MEGF10: variants seen among roughly 807,000 people sequenced by gnomAD.
MEGF10 encodes the protein multiple EGF like domains 10.
MEGF10 carries 86 observed loss-of-function variants against 147.5 expected under a neutral mutation model. That is an observed-to-expected ratio of 0.58 (90% confidence interval 0.49 to 0.70). The LOEUF (loss-of-function observed/expected upper bound fraction) is 0.70, where lower values mean the gene tolerates loss of function less well. Among genes scored for constraint, MEGF10 ranks in the 30% least tolerant of loss-of-function variants. The pLI is 0.00. For missense variants in MEGF10, 1,329 were observed against 1,487.3 expected (o/e 0.89, Z 1.75); for synonymous variants, 478 against 525.5 (o/e 0.91, Z 1.24).
chr5:127,397,762 A>T (rs1282777945), intron 6 of MEGF10, among the ~76,000 whole-genome samples: 2 of 152,168 alleles, frequency 1.3e-5, no homozygotes, highest in East Asian at 3.8e-4. Context: ...GGGCTGTGGG[A>T]AACTTGGAGC....
At chr5:127,250,360 A>C in the MEGF10 span, among the ~76,000 whole-genome samples, 1 of 151,992 alleles carries the variant, frequency 6.6e-6, no homozygotes, top group African/African-American at 2.4e-5. Flanking sequence ...AACACAAGAA[A>C]ATCCATTAAT....
At chr5:127,371,632 T>G (rs1040183912) in intron 5 of MEGF10, among the ~76,000 whole-genome samples, 3 of 152,226 alleles carry the variant, frequency 2.0e-5, no homozygotes, top group Non-Finnish European at 4.4e-5. Flanking sequence ...AATTGCAGAC[T>G]ACCTCGAGCT....
intron 5 of MEGF10, among the ~76,000 whole-genome samples, chr5:127,387,703 G>C (rs748856323): frequency 2.6e-5 from 4 of 152,138 alleles, no homozygotes; most frequent in Non-Finnish European, 5.9e-5. Flanking sequence ...ATTGCCATTT[G>C]AGTTCATTTT....
chr5:127,276,915 C>T, the MEGF10 span, among the ~76,000 whole-genome samples: 1 of 152,044 alleles, frequency 6.6e-6, no homozygotes, highest in Admixed American at 6.6e-5. Flanking sequence ...TAAGAAGGCT[C>T]ATTGAGAAGA....
chr5:127,251,152 A>G, the MEGF10 span, among the ~76,000 whole-genome samples: 2 of 152,138 alleles, frequency 1.3e-5, no homozygotes, highest in African/African-American at 4.8e-5. Context: ...GAAAACTCCT[A>G]GAAGAAAAAA....
intron 5 of MEGF10, among the ~76,000 whole-genome samples, chr5:127,374,552 C>T (rs1431930697): frequency 6.6e-6 from 1 of 152,146 alleles, no homozygotes; most frequent in Non-Finnish European, 1.5e-5. Flanking sequence ...TACAGCAATT[C>T]ATCTTAGAAG....
intron 20 of MEGF10, among the ~76,000 whole-genome samples, 172 bp from the exon 21 acceptor site, chr5:127,447,385 G>T (rs1017060531): frequency 1.3e-5 from 2 of 152,112 alleles, no homozygotes; most frequent in East Asian, 3.9e-4. Context: ...TACTGTGTTA[G>T]CCAGGATGGT....
intron 8 of MEGF10, among the ~76,000 whole-genome samples, chr5:127,404,731 T>G (rs1486533895): frequency 6.6e-6 from 1 of 152,110 alleles, no homozygotes; most frequent in Non-Finnish European, 1.5e-5. Flanking sequence ...CTTTTTTTTT[T>G]TTGAGATGGA....
At chr5:127,273,121 C>A in the MEGF10 span, among the ~76,000 whole-genome samples, 3 of 152,132 alleles carry the variant, frequency 2.0e-5, no homozygotes, top group Admixed American at 6.6e-5. Context: ...TTGTGCATGC[C>A]GGAGCAGCTG....
chr5:127,415,264 A>G (rs1034486308), intron 9 of MEGF10, among the ~76,000 whole-genome samples: 1 of 152,206 alleles, frequency 6.6e-6, no homozygotes, highest in African/African-American at 2.4e-5. Flanking sequence ...CTGTTGTCCT[A>G]GTATAATTAT....
At chr5:127,371,191 C>CTGTGTGTGTGTG (rs10591122) in intron 5 of MEGF10, among the ~76,000 whole-genome samples, 46 of 126,254 alleles carry the variant, frequency 3.6e-4, no homozygotes, top group African/African-American at 5.7e-4. Context: ...GGGACTGGGA[C>CTGTGTGTGTGTG]TGTGTGTGTG....
chr5:127,311,065 G>A (rs549889518), intron 1 of MEGF10, among the ~76,000 whole-genome samples: 1 of 152,232 alleles, frequency 6.6e-6, no homozygotes, highest in South Asian at 2.1e-4. Context: ...TTTTATAAAT[G>A]TTCATTCCCT....
At chr5:127,304,379 C>A (rs1180740337) in intron 1 of MEGF10, among the ~76,000 whole-genome samples, 1 of 152,204 alleles carries the variant, frequency 6.6e-6, no homozygotes, top group Non-Finnish European at 1.5e-5. Context: ...CTTTGTGTTA[C>A]CACATCATAA....
In MEGF10 at chr5:127,459,254, T is replaced by C. The variant is rs1010505498; in HGVS notation, c.*1936T>C. On this transcript the variant is annotated 3_prime_UTR_variant, in exon 25 of 25. Coordinates refer to ENST00000503335, the MANE Select transcript of MEGF10 (RefSeq NM_001256545.2). ...GATGGTGGTTTGGTCAGATGGATAA[T>C]ACAGCAGACACACTTAGAACACTCA... 4 of 152,196 alleles carry C rather than the reference T, an allele frequency of 2.6e-5. No homozygotes were observed. The highest frequency in any genetic ancestry group is 4.4e-5 in the Non-Finnish European group (3 of 68,034). 9.4% of individuals were successfully genotyped at this position (152,196 alleles called of 1,614,324 possible). A position where few individuals can be genotyped will look rare whatever the true frequency, so the allele number is the denominator to read the frequency against.
At chr5:127,287,519 A>G (rs1759066208), upstream of MEGF10, among the ~76,000 whole-genome samples, 2 of 152,136 alleles carry the variant, frequency 1.3e-5, no homozygotes, top group East Asian at 1.9e-4. Flanking sequence ...TTAGGGATTC[A>G]TTTTTTAAAT....
At chr5:127,295,823 T>C (rs1047262907) in intron 1 of MEGF10, among the ~76,000 whole-genome samples, 3 of 152,236 alleles carry the variant, frequency 2.0e-5, no homozygotes, top group Admixed American at 2.0e-4. Context: ...GTTTTAATAA[T>C]TAGTTTAGTT....
chr5:127,355,898 G>T (rs1186201951), intron 4 of MEGF10, among the ~76,000 whole-genome samples: 2 of 151,608 alleles, frequency 1.3e-5, no homozygotes, highest in African/African-American at 4.8e-5. Context: ...ATGGAGACAG[G>T]GTCAAAAGGA....
At chr5:127,302,612 GT>G (rs1759823065) in intron 1 of MEGF10, among the ~76,000 whole-genome samples, 2 of 152,136 alleles carry the variant, frequency 1.3e-5, no homozygotes, top group Non-Finnish European at 2.9e-5. Flanking sequence ...TTTTTTAAAG[GT>G]TAAAAAAGTT....
chr5:127,253,250 G>A, the MEGF10 span, among the ~76,000 whole-genome samples: 1 of 151,890 alleles, frequency 6.6e-6, no homozygotes, highest in Non-Finnish European at 1.5e-5. Context: ...TTCTGGTATA[G>A]AGGCAAATAC....
Sources: allele counts gnomAD v4.1 joint callset (sites outside exome capture counted in the v4.1 genomes callset), GRCh38; gene constraint gnomAD v4.1.1; transcripts MANE v1.5; gene names NCBI Gene and HGNC (gene_info 2026-07-23, HGNC 2026-07-21).